The following CSNK2A2IP variants were observed in gnomAD, a reference collection of about 807,000 sequenced individuals.
CSNK2A2IP encodes the protein casein kinase 2 subunit alpha' interacting protein.
chr3:88,465,283 C>A, the CSNK2A2IP span: 2 of 886,044 alleles, frequency 2.3e-6, no homozygotes, highest in Non-Finnish European at 3.0e-6. Flanking sequence ...CATGGATTCC[C>A]GCTAAAAGAC....
chr3:88,361,426 A>G, the CSNK2A2IP span, among the ~76,000 whole-genome samples: 1 of 152,142 alleles, frequency 6.6e-6, no homozygotes, highest in East Asian at 1.9e-4. Context: ...AGCACTTTGA[A>G]TATGTCATTC....
At chr3:88,446,718 G>T in the CSNK2A2IP span, among the ~76,000 whole-genome samples, 1 of 152,176 alleles carries the variant, frequency 6.6e-6, no homozygotes, top group Non-Finnish European at 1.5e-5. Context: ...ATGAGATGGT[G>T]AATGTGAGAA....
the CSNK2A2IP span, chr3:88,399,826 G>A: frequency 1.3e-5 from 2 of 152,164 alleles, no homozygotes; most frequent in Non-Finnish European, 1.5e-5. Context: ...GAATTACAAA[G>A]GCGAGTTCAG....
the CSNK2A2IP span, among the ~76,000 whole-genome samples, chr3:88,448,422 A>T: frequency 6.6e-6 from 1 of 152,092 alleles, no homozygotes; most frequent in African/African-American, 2.4e-5. Context: ...CCAATTAATA[A>T]TTTGTCCTAG....
At chr3:88,344,232 C>CAT in the CSNK2A2IP span, among the ~76,000 whole-genome samples, 66,321 of 151,502 alleles carry the variant, frequency 0.44, 15,750 homozygotes, top group South Asian at 0.62. Flanking sequence ...TCTGGCGAGA[C>CAT]ATGTGGTCAT....
chr3:88,344,227 C>T, the CSNK2A2IP span, among the ~76,000 whole-genome samples: 1 of 118,170 alleles, frequency 8.5e-6, no homozygotes, highest in Non-Finnish European at 2.1e-5. Context: ...AATACTCTGG[C>T]GAGACATGTG....
chr3:88,395,592 T>G, the CSNK2A2IP span, among the ~76,000 whole-genome samples: 1 of 152,182 alleles, frequency 6.6e-6, no homozygotes, highest in Non-Finnish European at 1.5e-5. Flanking sequence ...TTTAAAATCT[T>G]TTGCATTTTT....
chr3:88,410,657 G>A, the CSNK2A2IP span, among the ~76,000 whole-genome samples: 1 of 151,722 alleles, frequency 6.6e-6, no homozygotes, highest in East Asian at 1.9e-4. Context: ...TCTTATTCTA[G>A]TTTCTATTCT....
the CSNK2A2IP span, among the ~76,000 whole-genome samples, chr3:88,464,110 C>T: frequency 2.1e-5 from 3 of 141,386 alleles, no homozygotes; most frequent in Non-Finnish European, 4.5e-5. Flanking sequence ...GGGAATTGAA[C>T]AATGAGAACA....
At chr3:88,375,704 C>T in the CSNK2A2IP span, among the ~76,000 whole-genome samples, 1 of 151,784 alleles carries the variant, frequency 6.6e-6, no homozygotes, top group Non-Finnish European at 1.5e-5. Context: ...CTTACATGAA[C>T]AAGAGAAGGA....
At chr3:88,465,101 A>C in the CSNK2A2IP span, 2 of 312,776 alleles carry the variant, frequency 6.4e-6, no homozygotes, top group Non-Finnish European at 1.2e-5. Flanking sequence ...TTATTTACTC[A>C]GGAGAAAAAA....
At chr3:88,439,385 C>T in the CSNK2A2IP span, among the ~76,000 whole-genome samples, 2 of 151,846 alleles carry the variant, frequency 1.3e-5, no homozygotes, top group Admixed American at 6.6e-5. Context: ...ATATGTATTC[C>T]TCTGTAAACC....
chr3:88,436,550 A>G, the CSNK2A2IP span, among the ~76,000 whole-genome samples: 2 of 152,164 alleles, frequency 1.3e-5, no homozygotes, highest in African/African-American at 2.4e-5. Flanking sequence ...TGAAATTCAA[A>G]CAAAATCTAA....
the CSNK2A2IP span, among the ~76,000 whole-genome samples, chr3:88,425,945 AG>A: frequency 6.6e-6 from 1 of 152,176 alleles, no homozygotes; most frequent in East Asian, 1.9e-4. Context: ...GAAGTCAGTG[AG>A]GCATTCACTA....
chr3:88,437,043 A>G, the CSNK2A2IP span, among the ~76,000 whole-genome samples: 1 of 152,106 alleles, frequency 6.6e-6, no homozygotes, highest in African/African-American at 2.4e-5. Flanking sequence ...TGAAATTCCT[A>G]TAGGTGTTTT....
At chr3:88,420,873 G>T in the CSNK2A2IP span, among the ~76,000 whole-genome samples, 2 of 152,086 alleles carry the variant, frequency 1.3e-5, no homozygotes, top group Non-Finnish European at 2.9e-5. Flanking sequence ...ATTTACATAG[G>T]ATCTAACTCA....
At chr3:88,340,044 G>A in the CSNK2A2IP span, among the ~76,000 whole-genome samples, 7 of 152,112 alleles carry the variant, frequency 4.6e-5, no homozygotes, top group African/African-American at 1.7e-4. Flanking sequence ...GACACGGAAT[G>A]ACTTTAAACT....
chr3:88,427,935 C>A, the CSNK2A2IP span, among the ~76,000 whole-genome samples: 1 of 152,148 alleles, frequency 6.6e-6, no homozygotes, highest in East Asian at 1.9e-4. Context: ...CACCATCCCC[C>A]AGACCCCAGA....
the CSNK2A2IP span, among the ~76,000 whole-genome samples, chr3:88,433,126 T>C: frequency 6.6e-6 from 1 of 152,060 alleles, no homozygotes; most frequent in Non-Finnish European, 1.5e-5. Flanking sequence ...AAAAGGTAAA[T>C]TTGTTAAACT....
Sources: gnomAD v4.1 joint callset for allele counts (sites outside exome capture counted in the v4.1 genomes callset) on GRCh38, gnomAD v4.1.1 for gene constraint, MANE v1.5 for transcripts, NCBI Gene and HGNC (gene_info 2026-07-23, HGNC 2026-07-21) for gene names.